Variants in NMT1 observed in about 807,000 individuals in gnomAD.
NMT1 encodes N-myristoyltransferase 1, also known as glycylpeptide N-tetradecanoyltransferase 1.
In NMT1, 12 loss-of-function variants were observed where a neutral mutation model predicts 63.4. The ratio of observed to expected loss-of-function variants is 0.19; its 90% confidence interval spans 0.12 to 0.31. The LOEUF (loss-of-function observed/expected upper bound fraction) is 0.31, where lower values mean the gene tolerates loss of function less well. Ranked by LOEUF, NMT1 falls within the 10% of genes least tolerant of loss-of-function variation. NMT1 has a pLI of 1.00. For synonymous variants in NMT1, 228 were observed against 234.3 expected (o/e 0.97, Z 0.25); for missense variants, 432 against 634.6 (o/e 0.68, Z 3.43).
chr17:45,068,264 G>A (rs939303427), intron 1 of NMT1, among the ~76,000 whole-genome samples: 2 of 152,166 alleles, frequency 1.3e-5, no homozygotes, highest in Non-Finnish European at 2.9e-5. Context: ...TTGAGGTCAG[G>A]AGTTCGAGAC....
intron 8 of NMT1, 197 bp downstream of exon 8, chr17:45,099,710 A>C: frequency 1.8e-6 from 1 of 570,476 alleles, no homozygotes; most frequent in Non-Finnish European, 3.1e-6. Context: ...TAACTTTCTC[A>C]GTTCCTCTGA....
chr17:45,091,876 C>G (rs1488282894), intron 3 of NMT1, among the ~76,000 whole-genome samples: 2 of 152,102 alleles, frequency 1.3e-5, no homozygotes, highest in African/African-American at 4.8e-5. Context: ...ATAAAATTAG[C>G]CAGGCGTAGT....
intron 2 of NMT1, among the ~76,000 whole-genome samples, chr17:45,083,507 A>G (rs1422836992): frequency 1.3e-5 from 2 of 152,136 alleles, no homozygotes; most frequent in Non-Finnish European, 2.9e-5. Flanking sequence ...ACTATTTCCA[A>G]TATAAAACCC....
chr17:45,079,839 A>G, intron 1 of NMT1, among the ~76,000 whole-genome samples: 1 of 152,106 alleles, frequency 6.6e-6, no homozygotes, highest in Non-Finnish European at 1.5e-5. Flanking sequence ...AGCTGGGACT[A>G]TAGGCGCCTG....
chr17:45,105,472 G>A lies in NMT1; in HGVS notation c.1471-147G>A. On this transcript the variant is annotated intron_variant, in intron 11 of 11. Transcript: ENST00000258960. The surrounding 1 kb of genome is among the most constrained non-coding windows in gnomAD (Gnocchi z 4.2). Reference sequence around the variant, plus strand: ...GTGTGAACCCTGGTGTGGAGGTTGAGTGTGGGGCCGGCTGGGTGTGAGTCT... The same window carrying A: ...GTGTGAACCCTGGTGTGGAGGTTGAATGTGGGGCCGGCTGGGTGTGAGTCT... 3 of 824,502 alleles carry A rather than the reference G, an allele frequency of 3.6e-6. No homozygotes were observed. The highest frequency in any genetic ancestry group is 1.5e-5 in the South Asian group (1 of 67,712). The allele number at this position is 824,502 out of a possible 1,614,324, so 51.1% of individuals were successfully genotyped here. A position where few individuals can be genotyped will look rare whatever the true frequency, so the allele number is the denominator to read the frequency against.
chr17:45,097,516 G>GT (rs1009662498), intron 6 of NMT1, among the ~76,000 whole-genome samples: 1 of 151,912 alleles, frequency 6.6e-6, no homozygotes, highest in Non-Finnish European at 1.5e-5. Context: ...TTTTGTTTTT[G>GT]TTTATTATTT....
chr17:45,105,630 G>A lies in NMT1; in HGVS notation c.1482G>A (p.Val494=), dbSNP rs752598763. ...PSMGAEKVGL[V]LQ ...GTTGGCTTTCCTAGGTTGGACTGGT[G>A]CTACAATAACCAGTCACCAGTGCGA... The change falls in exon 12 of 12, where the codon GTG becomes GTA. Residue 494 remains valine, a synonymous_variant. Coordinates refer to ENST00000258960, the MANE Select transcript of NMT1 (RefSeq NM_021079.5). The surrounding 1 kb of genome is among the most constrained non-coding windows in gnomAD (Gnocchi z 4.2). 11 of 1,613,328 alleles carry A rather than the reference G, an allele frequency of 6.8e-6. No homozygotes were observed. In the South Asian group the frequency reaches 1.1e-4, roughly 16 times the overall value.
Position 45,107,318 on chromosome 17 carries a change from G to C in NMT1, c.*1679G>C, listed in dbSNP as rs908689377. ...GGGAATGCTGCCCGCTCTGCAGACT[G>C]CTGCTAGAGCCAGCAACTCCACTAA... On this transcript the variant is annotated 3_prime_UTR_variant, in exon 12 of 12. Coordinates refer to ENST00000258960, the MANE Select transcript of NMT1 (RefSeq NM_021079.5). 3.9e-5 allele frequency: 6 copies of C among 152,758 alleles called. No homozygotes were observed. Among genetic ancestry groups the C allele is most frequent in the African/African-American group, 1.4e-4 (6 of 41,590 alleles). 9.5% of individuals were successfully genotyped at this position (152,758 alleles called of 1,614,324 possible). A position where few individuals can be genotyped will look rare whatever the true frequency, so the allele number is the denominator to read the frequency against.
Position 45,103,553 on chromosome 17 carries a change from A to G in NMT1, c.1165-156A>G, listed in dbSNP as rs1261836263. Among the ~76,000 whole-genome samples the G allele has an allele frequency of 6.6e-6, 1 of 152,100 alleles. No homozygotes were observed. Among genetic ancestry groups the G allele is most frequent in the African/African-American group, 2.4e-5 (1 of 41,400 alleles). ...CTCTGTCCTCAAGTGCCCTGAGCCA[A>G]TGTCCCTCCTCCTCCCCACATGTCC... On this transcript the variant is annotated intron_variant, in intron 9 of 11. Transcript: ENST00000258960. The surrounding 1 kb of genome is among the most constrained non-coding windows in gnomAD (Gnocchi z 4.8).
intron 1 of NMT1, among the ~76,000 whole-genome samples, chr17:45,080,559 C>A (rs1485921932): frequency 1.3e-5 from 2 of 149,934 alleles, no homozygotes; most frequent in African/African-American, 5.0e-5. Flanking sequence ...AGCTCTACCT[C>A]CCAGGTTCAC....
In NMT1 at chr17:45,104,049, GGGAACAA is replaced by G; in HGVS notation, c.1332+177_1332+183del. 4 of 1,557,584 alleles carry G rather than the reference GGGAACAA, an allele frequency of 2.6e-6. No individual in the cohort carries two copies. Among genetic ancestry groups the G allele is most frequent in the Non-Finnish European group, 3.5e-6 (4 of 1,158,822 alleles). On this transcript the variant is annotated intron_variant, in intron 10 of 11. Coordinates refer to ENST00000258960, the MANE Select transcript of NMT1 (RefSeq NM_021079.5). The surrounding 1 kb of genome is among the most constrained non-coding windows in gnomAD (Gnocchi z 4.2). ...TTTAGGCAGAAACTCAAAACTTGGA[GGGAACAA>G]GGAGCATCCGAAGTGAAGGCATTGA...
At chr17:45,087,203 C>CAA (rs1335968771) in intron 3 of NMT1, among the ~76,000 whole-genome samples, 1 of 151,588 alleles carries the variant, frequency 6.6e-6, no homozygotes, top group Non-Finnish European at 1.5e-5. Flanking sequence ...AAAAACAAAA[C>CAA]AAAACTATTG....
chr17:45,102,978 A>T lies in NMT1; in HGVS notation c.1021A>T (p.Met341Leu). 6.2e-7 allele frequency: 1 copy of T among 1,613,042 alleles called. No individual in the cohort carries two copies. Among genetic ancestry groups the T allele is most frequent in the South Asian group, 1.1e-5 (1 of 91,050 alleles). ...TCCCAAGACAGCTGGGCTGCGACCA[A>T]TGGAAACAAAGGACATTCCAGTAGT... ...ETPKTAGLRP[M>L]ETKDIPVVHQ... Residue 341 changes from methionine to leucine, a missense_variant, in exon 9 of 12, where the codon ATG (methionine) becomes TTG (leucine). Around this residue, in one of 4 missense-constraint regions of NMT1, gnomAD observed 295 missense variants for 489.7 expected, o/e 0.60. Coordinates refer to ENST00000258960, the MANE Select transcript of NMT1 (RefSeq NM_021079.5).
At chr17:45,098,660 C>T (rs1447977408) in intron 7 of NMT1, 108 bp downstream of exon 7, 6 of 1,063,680 alleles carry the variant, frequency 5.6e-6, no homozygotes, top group East Asian at 2.5e-5. Flanking sequence ...CCACCTCTGG[C>T]GTATCTGGTA....
intron 1 of NMT1, among the ~76,000 whole-genome samples, chr17:45,074,979 C>A (rs1463534815): frequency 6.6e-6 from 1 of 152,102 alleles, no homozygotes; most frequent in Non-Finnish European, 1.5e-5. Context: ...TTTTGGAGGC[C>A]AAGGCAGGAG....
chr17:45,070,312 G>T (rs752573565), intron 1 of NMT1, among the ~76,000 whole-genome samples: 2 of 152,140 alleles, frequency 1.3e-5, no homozygotes, highest in Admixed American at 1.3e-4. Flanking sequence ...GTGCAGTGGC[G>T]TAATCTCGGC....
chr17:45,096,401 TG>T, intron 5 of NMT1, 116 bp downstream of exon 5: 1 of 781,374 alleles, frequency 1.3e-6, no homozygotes, highest in East Asian at 2.5e-5. Context: ...CAAATTAGTG[TG>T]TCATTTTTGA....
rs749639976 is a variant in NMT1 at position 45,105,676 on chromosome 17, A to T, written c.*37A>T. 60 of 1,604,408 alleles carry T rather than the reference A, an allele frequency of 3.7e-5. No homozygotes were observed. Among genetic ancestry groups the T allele is most frequent in the Non-Finnish European group, 5.0e-5 (59 of 1,174,812 alleles). On this transcript the variant is annotated 3_prime_UTR_variant, in exon 12 of 12. Transcript: ENST00000258960. This position sits in a 1 kb window ranked among gnomAD's most constrained non-coding sequence, Gnocchi z 4.2. ...TGCGATTCTGGATAAAGCCACTGAA[A>T]ATTCGAACCAGGAAATGGAACCCCA...
chr17:45,064,598 A>G (rs4525538), intron 1 of NMT1, among the ~76,000 whole-genome samples: 101,097 of 152,128 alleles, frequency 0.66, 34,266 homozygotes, highest in African/African-American at 0.78. Flanking sequence ...TGAGGTGGGC[A>G]GATCGCTTGT....
Sources: allele counts gnomAD v4.1 joint callset (sites outside exome capture counted in the v4.1 genomes callset), GRCh38; gene constraint gnomAD v4.1.1; regional missense constraint gnomAD v4.1.1; non-coding constraint Gnocchi (gnomAD v3.1); transcripts MANE v1.5; gene names NCBI Gene and HGNC (gene_info 2026-07-23, HGNC 2026-07-21).